Variants in HHIPL2 observed in about 807,000 individuals in gnomAD.
HHIPL2 encodes HHIP like 2.
In HHIPL2, 61 loss-of-function variants were observed where a neutral mutation model predicts 61.0. That is an observed-to-expected ratio of 1.00 (90% CI 0.81 to 1.24). The LOEUF is 1.24. HHIPL2 is among the 50% of genes most tolerant of loss of function. The pLI is 0.00. For missense variants in HHIPL2, 885 were observed against 910.2 expected, an observed-to-expected ratio of 0.97 and a Z score of 0.36; for synonymous variants, 343 against 357.4, an observed-to-expected ratio of 0.96 and a Z score of 0.45.
Position 222,527,066 on chromosome 1 carries a change from TAGAC to T in HHIPL2, c.1724-20_1724-17del, listed in dbSNP as rs1659084634. ...TACAGCTCCCCTAAGGCAACAAAAA[TAGAC>T]AGGCAATAATGGGACATCAGGCAGC... On this transcript the variant is annotated splice_polypyrimidine_tract_variant and intron_variant, in intron 6 of 8. Coordinates refer to ENST00000343410, the MANE Select transcript of HHIPL2 (RefSeq NM_024746.4). 2 of 1,599,734 alleles carry T rather than the reference TAGAC, an allele frequency of 1.3e-6. No individual in the cohort carries two copies. The highest frequency in any genetic ancestry group is 1.7e-5 in the Admixed American group (1 of 59,394).
At chr1:222,537,962 A>G (rs1224203338) in intron 5 of HHIPL2, among the ~76,000 whole-genome samples, 1 of 152,226 alleles carries the variant, frequency 6.6e-6, no homozygotes, top group East Asian at 1.9e-4. Context: ...AATGTCCATC[A>G]GCAACACGGA....
Position 222,543,807 on chromosome 1 carries a change from G to C in HHIPL2, c.704C>G (p.Ala235Gly), listed in dbSNP as rs539287050. 1 of 1,613,960 alleles carries C rather than the reference G, an allele frequency of 6.2e-7. No individual in the cohort carries two copies. The highest frequency in any genetic ancestry group is 8.5e-7 in the Non-Finnish European group (1 of 1,180,004). ...AGDGTHRFFVAEQVGVVWVYL... is the reference protein window; with the variant it reads ...AGDGTHRFFVGEQVGVVWVYL... ...GACCCACACCACTCCTACCTGCTCG[G>C]CAACAAAGAAGCGATGGGTGCCGTC... The change falls in exon 2 of 9, where the codon GCC (alanine) becomes GGC (glycine). Residue 235 changes from alanine to glycine, a missense_variant. Transcript: ENST00000343410.
chr1:222,528,848 G>A (rs961725312), intron 6 of HHIPL2, among the ~76,000 whole-genome samples: 1 of 128,486 alleles, frequency 7.8e-6, no homozygotes, highest in Non-Finnish European at 1.6e-5. Flanking sequence ...TTTTAGACAA[G>A]GTCTTGCTCT....
At chr1:222,542,635 A>G (rs1016571791) in intron 2 of HHIPL2, among the ~76,000 whole-genome samples, 1 of 147,236 alleles carries the variant, frequency 6.8e-6, no homozygotes, top group African/African-American at 2.5e-5. Context: ...GGTTCATGCG[A>G]TTCTCCTGCC....
chr1:222,538,201 T>TGTGTGC (rs1296008978), intron 5 of HHIPL2, among the ~76,000 whole-genome samples: 1 of 47,170 alleles, frequency 2.1e-5, no homozygotes, highest in Non-Finnish European at 4.0e-5. Flanking sequence ...CTGGGGTGTG[T>TGTGTGC]GTGTGTGTGT....
intron 7 of HHIPL2, among the ~76,000 whole-genome samples, chr1:222,525,560 T>C (rs1659045528): frequency 6.6e-6 from 1 of 152,200 alleles, no homozygotes; most frequent in Admixed American, 6.5e-5. Context: ...AACCAGTGGC[T>C]GGACCTATTT....
At chr1:222,534,204 T>C (rs1231324701) in intron 5 of HHIPL2, among the ~76,000 whole-genome samples, 9 of 152,188 alleles carry the variant, frequency 5.9e-5, no homozygotes, top group Non-Finnish European at 1.2e-4. Context: ...TTCAAAATCA[T>C]TTATAGGAAT....
rs1012655421 is a variant in HHIPL2 at position 222,547,658 on chromosome 1, C to T, written c.321+66G>A. ...AGGGCTGGGCTCCCAAAGCACCCTC[C>T]GCTCAGGACCCACACCATGCAGCCC... is the stretch of plus-strand genomic sequence containing the variant. On this transcript the variant is annotated intron_variant, in intron 1 of 8. Coordinates refer to ENST00000343410, the MANE Select transcript of HHIPL2 (RefSeq NM_024746.4). The T allele has an allele frequency of 2.7e-5, 38 of 1,400,632 alleles. No homozygotes were observed. In the Admixed American group the frequency reaches 3.0e-4, roughly 11 times the overall value. The allele number at this position is 1,400,632 out of a possible 1,614,324, so 86.8% of individuals were successfully genotyped here.
intron 3 of HHIPL2, 48 bp downstream of exon 3, chr1:222,541,964 C>T: frequency 6.5e-7 from 1 of 1,549,886 alleles, no homozygotes; most frequent in Non-Finnish European, 8.7e-7. Context: ...AACACCACAC[C>T]AGGGGCTCAC....
intron 6 of HHIPL2, among the ~76,000 whole-genome samples, chr1:222,531,735 A>G (rs951341225): frequency 6.6e-6 from 1 of 152,188 alleles, no homozygotes; most frequent in Non-Finnish European, 1.5e-5. Context: ...CTCTGTCTCA[A>G]AAAAAAGAAG....
chr1:222,538,195 G>GTGTGT (rs1553270679), intron 5 of HHIPL2, among the ~76,000 whole-genome samples: 1 of 136,274 alleles, frequency 7.3e-6, no homozygotes, highest in Non-Finnish European at 1.6e-5. Context: ...CTCTGGCTGG[G>GTGTGT]GTGTGTGTGT....
intron 6 of HHIPL2, among the ~76,000 whole-genome samples, chr1:222,531,193 C>T (rs1030250239): frequency 6.6e-6 from 1 of 152,126 alleles, no homozygotes; most frequent in Non-Finnish European, 1.5e-5. Flanking sequence ...TAAAATTCTC[C>T]TTTTCTCACA....
Position 222,548,056 on chromosome 1 carries a change from G to C in HHIPL2, c.-12C>G. On this transcript the variant is annotated 5_prime_UTR_variant, in exon 1 of 9. Transcript: ENST00000343410. ...GACGTTCTCAGCATTTTGGCCTTGG[G>C]AACACTCGGGCTGCTGTGTTTGCTC... is the stretch of plus-strand genomic sequence containing the variant. 6.5e-7 allele frequency: 1 copy of C among 1,536,680 alleles called. No individual in the cohort carries two copies. The highest frequency in any genetic ancestry group is 8.8e-7 in the Non-Finnish European group (1 of 1,138,130).
At chr1:222,546,047 A>AAAATAAATAAATAAATAAATAAAT (rs142768169) in intron 1 of HHIPL2, among the ~76,000 whole-genome samples, 8,732 of 141,210 alleles carry the variant, frequency 0.062, 313 homozygotes, top group Admixed American at 0.069. Context: ...TCTGTCTCAA[A>AAAATAAATAAATAAATAAATAAAT]AAATAAATAA....
chr1:222,532,702 G>A (rs537331308), intron 5 of HHIPL2, among the ~76,000 whole-genome samples: 173 of 151,932 alleles, frequency 1.1e-3, no homozygotes, highest in African/African-American at 2.7e-3. Context: ...GTGACCTTTG[G>A]GTAGTTGCCC....
At chr1:222,522,959 C>T in intron 8 of HHIPL2, 72 bp from the exon 9 acceptor site, 1 of 1,181,428 alleles carries the variant, frequency 8.5e-7, no homozygotes, top group Non-Finnish European at 1.2e-6. Flanking sequence ...ACTATAACTG[C>T]ATTATAGTTC....
chr1:222,538,326 G>A (rs149770772), intron 5 of HHIPL2, among the ~76,000 whole-genome samples: 26 of 151,192 alleles, frequency 1.7e-4, no homozygotes, highest in East Asian at 7.8e-4. Context: ...CTGGAGACCC[G>A]ATCCCTTTGG....
Position 222,544,320 on chromosome 1 carries a change from AACT to A in HHIPL2, c.322-134_322-132del. On this transcript the variant is annotated intron_variant, in intron 1 of 8. Transcript: ENST00000343410. ...TCAGGATTTTGGAGTTTTTGTTACCAACTGCTGCTAAAACTCTTCTCTGTGATT... is the reference window on the plus strand; with the variant it reads ...TCAGGATTTTGGAGTTTTTGTTACCAGCTGCTAAAACTCTTCTCTGTGATT... The A allele has an allele frequency of 3.3e-6, 3 of 919,510 alleles. No individual in the cohort carries two copies. In the Admixed American group the frequency reaches 8.0e-5, roughly 25 times the overall value. 57.0% of individuals were successfully genotyped at this position (919,510 alleles called of 1,614,324 possible). A position where few individuals can be genotyped will look rare whatever the true frequency, so the allele number is the denominator to read the frequency against.
In HHIPL2 at chr1:222,543,550, G is replaced by C; in HGVS notation, c.961C>G (p.Leu321Val). 6.2e-7 allele frequency: 1 copy of C among 1,611,644 alleles called. No individual in the cohort carries two copies. Among genetic ancestry groups the C allele is most frequent in the South Asian group, 1.1e-5 (1 of 90,906 alleles). Residue 321 changes from leucine (L) to valine (V), a missense_variant, in exon 2 of 9, where the codon CTG becomes GTG. Coordinates refer to ENST00000343410, the MANE Select transcript of HHIPL2 (RefSeq NM_024746.4). ...VSRADPNKAD[L>V]KSERVILEIE... ...AGTACCTCTCACCTCTCTGATTTCAGGTCAGCTTTGTTAGGATCAGCCCGA... is the reference window on the plus strand; with the variant it reads ...AGTACCTCTCACCTCTCTGATTTCACGTCAGCTTTGTTAGGATCAGCCCGA...
Sources: gnomAD v4.1 joint callset for allele counts (sites outside exome capture counted in the v4.1 genomes callset) on GRCh38, gnomAD v4.1.1 for gene constraint, MANE v1.5 for transcripts, NCBI Gene and HGNC (gene_info 2026-07-23, HGNC 2026-07-21) for gene names.